CEP135: variants seen among roughly 807,000 people sequenced by gnomAD.
CEP135 encodes centrosomal protein 135, also known as centrosomal protein of 135 kDa.
A neutral mutation model predicts 157.3 loss-of-function variants in CEP135; 142 were observed. That is an observed-to-expected ratio of 0.90 (90% confidence interval 0.79 to 1.04). CEP135 has a LOEUF of 1.04. Ranked by LOEUF, CEP135 falls within the 50% of genes least tolerant of loss-of-function variation. The probability of loss-of-function intolerance (pLI) is 0.00; values close to 1 mark genes in which losing one functional copy is unlikely to be tolerated. For synonymous variants in CEP135, 396 were observed against 439.8 expected (o/e 0.90, Z 1.25); for missense variants, 1,317 against 1,309.2 (o/e 1.01, Z -0.09).
At position 56,032,418 on chromosome 4, in the gene CEP135, C is replaced by G. The variant is rs1309038562; in HGVS notation, c.*1070C>G. 2.0e-5 allele frequency: 3 copies of G among 151,058 alleles called. No homozygotes were observed. Among genetic ancestry groups the G allele is most frequent in the Non-Finnish European group, 2.9e-5 (2 of 67,900 alleles). The allele number at this position is 151,058 out of a possible 1,614,324, so 9.4% of individuals were successfully genotyped here. On this transcript the variant is annotated 3_prime_UTR_variant, in exon 26 of 26. Transcript: ENST00000257287. The stretch of plus-strand genomic sequence containing the variant: ...CAAGATCATGCCATTGCACTCCAGC[C>G]TGGGTGACAGAGTAACACTCTGTCT...
chr4:55,975,470 T>C (rs1729172313), intron 11 of CEP135, among the ~76,000 whole-genome samples: 1 of 152,216 alleles, frequency 6.6e-6, no homozygotes, highest in Non-Finnish European at 1.5e-5. Flanking sequence ...GGAGATTGTT[T>C]TGTTTGTCCA....
At chr4:56,020,049 T>G (rs895664485) in intron 23 of CEP135, among the ~76,000 whole-genome samples, 7 of 152,068 alleles carry the variant, frequency 4.6e-5, no homozygotes, top group Non-Finnish European at 7.3e-5. Flanking sequence ...ACTACAGAGG[T>G]TGTACCGTGG....
chr4:56,021,487 G>A (rs186017553), intron 24 of CEP135, among the ~76,000 whole-genome samples: 54 of 152,134 alleles, frequency 3.5e-4, no homozygotes, highest in Non-Finnish European at 6.2e-4. Context: ...TTACTAACCC[G>A]GATTGAGACC....
In CEP135 at chr4:56,017,608, G is replaced by A. The variant is rs752391461; in HGVS notation, c.2803-40G>A. 4.0e-6 allele frequency: 6 copies of A among 1,491,670 alleles called. No individual in the cohort carries two copies. In the South Asian group the frequency reaches 7.8e-5, roughly 19 times the overall value. 92.4% of individuals were successfully genotyped at this position (1,491,670 alleles called of 1,614,324 possible). On this transcript the variant is annotated intron_variant, in intron 21 of 25. Coordinates refer to ENST00000257287, the MANE Select transcript of CEP135 (RefSeq NM_025009.5). ...AAATTCAAGTTCTTAAAATTATTGG[G>A]TTATTTTAACTTTTTACTTGTTTCT...
At chr4:55,982,908 C>T (rs1228279327) in intron 13 of CEP135, among the ~76,000 whole-genome samples, 1 of 151,996 alleles carries the variant, frequency 6.6e-6, no homozygotes. Flanking sequence ...CAATGATTAG[C>T]ACATTGTAAG....
At chr4:55,958,297 TG>T (rs1222451804) in intron 5 of CEP135, among the ~76,000 whole-genome samples, 1 of 152,126 alleles carries the variant, frequency 6.6e-6, no homozygotes, top group African/African-American at 2.4e-5. Flanking sequence ...TAGCCGAGCA[TG>T]GTGGCATGCA....
intron 25 of CEP135, among the ~76,000 whole-genome samples, chr4:56,029,768 A>G (rs545726638): frequency 2.0e-5 from 3 of 152,312 alleles, no homozygotes; most frequent in South Asian, 2.1e-4. Flanking sequence ...CAGAGAAAAC[A>G]TACAGTAAAA....
intron 10 of CEP135, among the ~76,000 whole-genome samples, chr4:55,973,769 T>C (rs971144331): frequency 1.3e-5 from 2 of 152,162 alleles, no homozygotes; most frequent in African/African-American, 2.4e-5. Context: ...GCTGTTCTGC[T>C]TGATCACCCA....
chr4:55,999,286 T>C lies in CEP135; in HGVS notation c.2010-16T>C. On this transcript the variant is annotated splice_polypyrimidine_tract_variant and intron_variant, in intron 15 of 25. Transcript: ENST00000257287. ...AGATAAAGAATACCATTTGTTTTTG[T>C]CCATTGATTCTTTAGGATAGTGAAT... 6.4e-7 allele frequency: 1 copy of C among 1,570,352 alleles called. No individual in the cohort carries two copies. The highest frequency in any genetic ancestry group is 8.7e-7 in the Non-Finnish European group (1 of 1,147,432).
intron 24 of CEP135, 116 bp downstream of exon 24, chr4:56,020,896 G>A (rs1730953097): frequency 1.4e-6 from 1 of 689,984 alleles, no homozygotes; most frequent in Non-Finnish European, 2.4e-6. Context: ...AATACATAAA[G>A]TACATTTCTT....
intron 15 of CEP135, among the ~76,000 whole-genome samples, chr4:55,993,486 A>G (rs1729863325): frequency 6.6e-6 from 1 of 152,220 alleles, no homozygotes; most frequent in Non-Finnish European, 1.5e-5. Flanking sequence ...TAGTTTTGGT[A>G]GGTTAGACCT....
Position 55,985,325 on chromosome 4 carries a change from A to G in CEP135, c.1824A>G (p.Lys608=). 6.3e-7 allele frequency: 1 copy of G among 1,596,020 alleles called. No homozygotes were observed. Residue 608 remains lysine (K), a synonymous_variant, in exon 14 of 26, where the codon AAA becomes AAG. Coordinates refer to ENST00000257287, the MANE Select transcript of CEP135 (RefSeq NM_025009.5). ...VSLFGKSELE[K]TIEHLTCVNH... ...TTTTTGGAAAATCAGAATTAGAGAA[A>G]ACTATTGAACATTTGACATGTGTTA...
chr4:55,971,153 T>C, intron 9 of CEP135, 117 bp from the exon 10 acceptor site: 1 of 649,628 alleles, frequency 1.5e-6, no homozygotes, highest in Non-Finnish European at 2.5e-6. Flanking sequence ...TAAGTATATG[T>C]ACACACACGT....
chr4:55,974,881 A>G lies in CEP135; in HGVS notation c.1385A>G (p.Glu462Gly), dbSNP rs1281219123. ...CGAGATTATTATAAGAAAGAGCTAG[A>G]GAGACTCCAACATATAATACAGCGA... is the stretch of plus-strand genomic sequence containing the variant. ...EERDYYKKEL[E>G]RLQHIIQRRS... is the part of the protein sequence containing the mutation. The change falls in exon 11 of 26, where the codon GAG (glutamate) becomes GGG (glycine). Residue 462 changes from glutamate to glycine, a missense_variant. By Grantham distance (98) the Glu-to-Gly change is moderately conservative. Transcript: ENST00000257287. 6.2e-7 allele frequency: 1 copy of G among 1,613,900 alleles called. No homozygotes were observed. Among genetic ancestry groups the G allele is most frequent in the East Asian group, 2.2e-5 (1 of 44,824 alleles).
At chr4:55,980,909 C>A (rs922593806) in intron 12 of CEP135, among the ~76,000 whole-genome samples, 2 of 152,090 alleles carry the variant, frequency 1.3e-5, no homozygotes, top group Non-Finnish European at 2.9e-5. Context: ...GGGGGGAATT[C>A]TGCAGTGTAA....
intron 11 of CEP135, among the ~76,000 whole-genome samples, chr4:55,978,091 A>ACTAACAAATATGTACAACAGATATATTT (rs1412868878): frequency 1.3e-5 from 2 of 152,208 alleles, no homozygotes; most frequent in African/African-American, 4.8e-5. Context: ...ATACATTAAC[A>ACTAACAAATATGTACAACAGATATATTT]CTAACAAATA....
chr4:55,953,776 A>G (rs1384420343), intron 3 of CEP135, among the ~76,000 whole-genome samples: 3 of 152,232 alleles, frequency 2.0e-5, no homozygotes, highest in Non-Finnish European at 4.4e-5. Flanking sequence ...AAATAAGGTG[A>G]AAACCATGTA....
chr4:56,029,259 A>G (rs1157326507), intron 25 of CEP135, among the ~76,000 whole-genome samples: 1 of 152,196 alleles, frequency 6.6e-6, no homozygotes, highest in Admixed American at 6.5e-5. Flanking sequence ...TGCAGGTATC[A>G]CTAAGTAGAT....
At chr4:55,974,213 T>A (rs1208033998) in intron 10 of CEP135, among the ~76,000 whole-genome samples, 1 of 152,164 alleles carries the variant, frequency 6.6e-6, no homozygotes, top group African/African-American at 2.4e-5. Flanking sequence ...GCCTCAGAGT[T>A]GTAATGAACA....
Sources: gnomAD v4.1 joint callset for allele counts (sites outside exome capture counted in the v4.1 genomes callset) on GRCh38, gnomAD v4.1.1 for gene constraint, MANE v1.5 for transcripts, NCBI Gene and HGNC (gene_info 2026-07-23, HGNC 2026-07-21) for gene names.